LRRC4C: variants seen among roughly 807,000 people sequenced by gnomAD.
The protein encoded by LRRC4C is leucine rich repeat containing 4C.
A neutral mutation model predicts 33.6 loss-of-function variants in LRRC4C; 5 were observed. That is an observed-to-expected ratio of 0.15 (90% CI 0.08 to 0.31). The LOEUF is 0.31. LRRC4C is among the 10% of genes least tolerant of loss of function. The probability of loss-of-function intolerance (pLI) is 1.00; values close to 1 mark genes in which losing one functional copy is unlikely to be tolerated. For missense variants in LRRC4C, 560 were observed against 796.7 expected, an observed-to-expected ratio of 0.70 and a Z score of 3.58; for synonymous variants, 329 against 302.0, an observed-to-expected ratio of 1.09 and a Z score of -0.93.
intron 1 of LRRC4C, among the ~76,000 whole-genome samples, chr11:41,201,440 G>A (rs1369507836): frequency 6.6e-6 from 1 of 152,134 alleles, no homozygotes; most frequent in African/African-American, 2.4e-5. Context: ...CTTGGTCCTG[G>A]TAGCTCTAAT....
chr11:40,199,340 G>T (rs1862519080), intron 5 of LRRC4C, among the ~76,000 whole-genome samples: 1 of 152,124 alleles, frequency 6.6e-6, no homozygotes, highest in South Asian at 2.1e-4. Context: ...CAGAGTGCTG[G>T]GATTACAGTA....
At chr11:40,468,329 C>A (rs1952755595) in intron 3 of LRRC4C, among the ~76,000 whole-genome samples, 1 of 152,110 alleles carries the variant, frequency 6.6e-6, no homozygotes, top group African/African-American at 2.4e-5. Flanking sequence ...AGTCTGGAGT[C>A]CAAAGGCAGT....
At chr11:40,919,799 T>A (rs1957101488) in intron 2 of LRRC4C, among the ~76,000 whole-genome samples, 1 of 152,172 alleles carries the variant, frequency 6.6e-6, no homozygotes, top group Middle Eastern at 3.2e-3. Context: ...AACATGAATA[T>A]TATCCATTTT....
rs76802827 is a variant in LRRC4C, at chr11:41,057,020, G to T, written c.-495-123297C>A. 1.2e-4 allele frequency among the ~76,000 whole-genome samples: 19 copies of T among 152,312 alleles called. No homozygotes were observed. The East Asian group carries it at 3.7e-3, about 30-fold the overall frequency. Reference sequence around the variant, plus strand: ...CAAACTGGACATCCCTGTGCTCTTTGTTCCAAGAGCAGGCAGGAGCCCCAC... The same window carrying T: ...CAAACTGGACATCCCTGTGCTCTTTTTTCCAAGAGCAGGCAGGAGCCCCAC... On this transcript the variant is annotated intron_variant, in intron 1 of 6. Transcript: ENST00000528697.
intron 5 of LRRC4C, among the ~76,000 whole-genome samples, chr11:40,168,041 TCAAA>T (rs71837713): frequency 0.15 from 22,467 of 151,746 alleles, 2,159 homozygotes; most frequent in Non-Finnish European, 0.22. Flanking sequence ...AAACTCTGTC[TCAAA>T]CAAACAAACA....
At chr11:40,972,897 T>C (rs1383695604) in intron 1 of LRRC4C, among the ~76,000 whole-genome samples, 1 of 152,166 alleles carries the variant, frequency 6.6e-6, no homozygotes, top group Non-Finnish European at 1.5e-5. Context: ...AATTGTAATC[T>C]TTCAGTGTTG....
At chr11:41,398,713 T>C (rs1010151458) in intron 1 of LRRC4C, among the ~76,000 whole-genome samples, 9 of 151,902 alleles carry the variant, frequency 5.9e-5, no homozygotes, top group Admixed American at 3.3e-4. Context: ...AAATTGCTAA[T>C]AATATTGACA....
chr11:40,996,191 G>C (rs78061936), intron 1 of LRRC4C, among the ~76,000 whole-genome samples: 78 of 152,244 alleles, frequency 5.1e-4, no homozygotes, highest in African/African-American at 1.8e-3. Context: ...ATGAGCATCA[G>C]AGGCATTAGG....
intron 2 of LRRC4C, among the ~76,000 whole-genome samples, chr11:40,913,846 T>C (rs968544370): frequency 1.3e-5 from 2 of 151,684 alleles, no homozygotes; most frequent in Admixed American, 1.3e-4. Context: ...ATAGACGCAA[T>C]AAAAAATGAT....
chr11:40,870,502 CAGA>C (rs1954583782), intron 2 of LRRC4C, among the ~76,000 whole-genome samples: 1 of 152,144 alleles, frequency 6.6e-6, no homozygotes, highest in Non-Finnish European at 1.5e-5. Context: ...GAAGCCATGG[CAGA>C]AGAATATAAA....
intron 1 of LRRC4C, among the ~76,000 whole-genome samples, chr11:41,391,331 A>G (rs918980783): frequency 1.3e-5 from 2 of 151,852 alleles, no homozygotes; most frequent in African/African-American, 4.8e-5. Context: ...CAAGTGGAGC[A>G]GGGGGGAGAA....
At chr11:41,369,691 G>C (rs950562894) in intron 1 of LRRC4C, among the ~76,000 whole-genome samples, 5 of 152,182 alleles carry the variant, frequency 3.3e-5, no homozygotes, top group Admixed American at 3.3e-4. Context: ...TGATGATGAG[G>C]TTGAAAAGGA....
intron 3 of LRRC4C, among the ~76,000 whole-genome samples, chr11:40,643,183 C>T (rs914287822): frequency 1.5e-4 from 23 of 151,836 alleles, no homozygotes; most frequent in Admixed American, 1.2e-3. Flanking sequence ...CATATATATA[C>T]ACACACACAC....
rs925017484 is a variant in LRRC4C, at chr11:40,917,613, C to T, written c.-407+16022G>A. On this transcript the variant is annotated intron_variant, in intron 2 of 6. Transcript: ENST00000528697. ...CTTTAGCATCATCCAGATCCAAGTC[C>T]CAACCCAGCTCTGCCATTTAGTCAC... Among the ~76,000 whole-genome samples the T allele has an allele frequency of 2.6e-5, 4 of 152,010 alleles. No individual in the cohort carries two copies. In the East Asian group the frequency reaches 7.7e-4, roughly 29 times the overall value.
rs375263142 is a variant in LRRC4C at position 40,268,793 on chromosome 11, G to A, written c.-175-27195C>T. On this transcript the variant is annotated intron_variant, in intron 4 of 6. Transcript: ENST00000528697. ...TTTGAAAACATGCTTATTCTATTCT[G>A]GCTACATCCCTGGAGTCTGAAAATG... Among the ~76,000 whole-genome samples the A allele has an allele frequency of 6.6e-5, 10 of 152,150 alleles. 1 individual carries two copies. In the South Asian group the frequency reaches 1.9e-3, roughly 28 times the overall value.
intron 2 of LRRC4C, among the ~76,000 whole-genome samples, chr11:40,701,019 T>C (rs1230645457): frequency 6.6e-6 from 1 of 152,186 alleles, no homozygotes; most frequent in Non-Finnish European, 1.5e-5. Context: ...TTTTATGCAT[T>C]ACATTATGAA....
chr11:40,746,006 A>G (rs1391562614), intron 2 of LRRC4C, among the ~76,000 whole-genome samples: 2 of 152,232 alleles, frequency 1.3e-5, no homozygotes, highest in Admixed American at 1.3e-4. Flanking sequence ...CTTCAAATAG[A>G]TCAGCCAAGA....
chr11:40,535,810 T>C (rs1956447824), intron 3 of LRRC4C, among the ~76,000 whole-genome samples: 1 of 152,204 alleles, frequency 6.6e-6, no homozygotes. Flanking sequence ...CCAAATGAGT[T>C]GAACTGCTTG....
intron 5 of LRRC4C, among the ~76,000 whole-genome samples, chr11:40,178,762 G>A (rs749936784): frequency 2.4e-4 from 37 of 152,144 alleles, no homozygotes; most frequent in Non-Finnish European, 4.4e-4. Context: ...TGGTTTCCTC[G>A]CTGTGGGGTT....
Sources: allele counts gnomAD v4.1 joint callset (sites outside exome capture counted in the v4.1 genomes callset), GRCh38; gene constraint gnomAD v4.1.1; transcripts MANE v1.5; gene names NCBI Gene and HGNC (gene_info 2026-07-23, HGNC 2026-07-21).